Variants in SGCZ observed in about 807,000 individuals in gnomAD.
The protein encoded by SGCZ is zeta-sarcoglycan.
Under a neutral mutation model 41.3 loss-of-function variants are expected in SGCZ, and 40 were observed. The ratio of observed to expected loss-of-function variants is 0.97; its 90% CI spans 0.75 to 1.26. SGCZ has a LOEUF of 1.26. SGCZ is among the 50% of genes most tolerant of loss of function. The pLI is 0.00. For synonymous variants in SGCZ, 206 were observed against 137.5 expected (o/e 1.50, Z -3.49); for missense variants, 552 against 369.8 (o/e 1.49, Z -4.04).
intron 4 of SGCZ, among the ~76,000 whole-genome samples, chr8:14,166,662 A>T (rs1242438818): frequency 6.6e-6 from 1 of 152,188 alleles, no homozygotes; most frequent in African/African-American, 2.4e-5. Flanking sequence ...ATTAGACAAC[A>T]TTAAACACAC....
chr8:14,409,881 TA>T (rs1156793985), intron 2 of SGCZ, among the ~76,000 whole-genome samples: 1 of 152,158 alleles, frequency 6.6e-6, no homozygotes, highest in Non-Finnish European at 1.5e-5. Flanking sequence ...ATACACATAA[TA>T]AATATGACAC....
chr8:14,463,189 A>T (rs1362101218), intron 2 of SGCZ, among the ~76,000 whole-genome samples: 4 of 151,592 alleles, frequency 2.6e-5, no homozygotes, highest in African/African-American at 7.2e-5. Context: ...TTCTCTGGTT[A>T]GAATTTCTAA....
chr8:14,229,154 T>C (rs1049398897), intron 4 of SGCZ, among the ~76,000 whole-genome samples: 5 of 152,160 alleles, frequency 3.3e-5, no homozygotes, highest in African/African-American at 7.2e-5. Context: ...TCTGCACTTC[T>C]ATCTGTACAA....
intron 1 of SGCZ, among the ~76,000 whole-genome samples, chr8:15,050,349 A>G (rs1804467633): frequency 6.6e-6 from 1 of 152,164 alleles, no homozygotes; most frequent in Non-Finnish European, 1.5e-5. Flanking sequence ...CCTCTCTGTG[A>G]AATTGGGAAG....
intron 1 of SGCZ, among the ~76,000 whole-genome samples, chr8:14,602,810 C>A (rs566208257): frequency 6.6e-6 from 1 of 152,226 alleles, no homozygotes; most frequent in East Asian, 1.9e-4. Context: ...GCATATATGG[C>A]ATCTTCTAAT....
intron 1 of SGCZ, among the ~76,000 whole-genome samples, chr8:14,767,721 G>A (rs567602740): frequency 1.3e-5 from 2 of 152,284 alleles, no homozygotes; most frequent in Non-Finnish European, 2.9e-5. Context: ...CCAACAGGTG[G>A]TCCTGCCATG....
intron 1 of SGCZ, among the ~76,000 whole-genome samples, chr8:14,831,429 C>T (rs1802521933): frequency 6.6e-6 from 1 of 152,172 alleles, no homozygotes; most frequent in South Asian, 2.1e-4. Flanking sequence ...TTCCTGCTGT[C>T]TCCTGGATGC....
At chr8:14,994,457 G>A (rs905987002) in intron 1 of SGCZ, among the ~76,000 whole-genome samples, 9 of 152,094 alleles carry the variant, frequency 5.9e-5, no homozygotes, top group African/African-American at 1.9e-4. Flanking sequence ...GGCAGCATGC[G>A]CCTGTAGTCC....
chr8:14,785,634 C>T (rs1800746010), intron 1 of SGCZ, among the ~76,000 whole-genome samples: 1 of 152,108 alleles, frequency 6.6e-6, no homozygotes, highest in African/African-American at 2.4e-5. Flanking sequence ...ATGTTCTGAC[C>T]ATTTTTGCAG....
chr8:15,236,863 G>GGA (rs1278555254), intron 1 of SGCZ, among the ~76,000 whole-genome samples: 2 of 152,012 alleles, frequency 1.3e-5, no homozygotes, highest in African/African-American at 4.8e-5. Context: ...GTGTGCGGCC[G>GGA]GAGCCTCCGC....
chr8:14,915,114 G>A (rs1563360213), intron 1 of SGCZ, among the ~76,000 whole-genome samples: 1 of 152,004 alleles, frequency 6.6e-6, no homozygotes, highest in Non-Finnish European at 1.5e-5. Context: ...CATGAAGACA[G>A]TTCAGAGATT....
chr8:14,729,161 C>T (rs1186976821), intron 1 of SGCZ, among the ~76,000 whole-genome samples: 1 of 152,152 alleles, frequency 6.6e-6, no homozygotes, highest in Non-Finnish European at 1.5e-5. Context: ...AATACCCACA[C>T]CACTAAAGTC....
intron 1 of SGCZ, among the ~76,000 whole-genome samples, chr8:14,621,601 A>G (rs949578361): frequency 1.3e-5 from 2 of 152,150 alleles, no homozygotes; most frequent in Non-Finnish European, 2.9e-5. Flanking sequence ...GAAAATTACA[A>G]TCATGGCAGA....
chr8:14,481,583 G>C (rs1361572288), intron 2 of SGCZ, among the ~76,000 whole-genome samples: 1 of 152,078 alleles, frequency 6.6e-6, no homozygotes. Flanking sequence ...TTATTTTATA[G>C]ATACATATAA....
intron 2 of SGCZ, among the ~76,000 whole-genome samples, chr8:14,420,355 A>G (rs1197329502): frequency 2.0e-5 from 3 of 152,038 alleles, no homozygotes; most frequent in Admixed American, 1.3e-4. Context: ...GCTATTCACA[A>G]TTGCCCCATT....
At chr8:14,501,084 T>C (rs2117051802) in intron 2 of SGCZ, among the ~76,000 whole-genome samples, 1 of 152,154 alleles carries the variant, frequency 6.6e-6, no homozygotes, top group East Asian at 1.9e-4. Context: ...GTTGCATTCT[T>C]TCTAGAAGCT....
At chr8:14,878,911 T>C (rs55900457) in intron 1 of SGCZ, 9,423 of 137,950 alleles carry the variant, frequency 0.068, 1,023 homozygotes, top group African/African-American at 0.23. Context: ...TCTTACAGTT[T>C]TGTTGTTGTT....
At chr8:14,964,297 A>T (rs1202728901) in intron 1 of SGCZ, among the ~76,000 whole-genome samples, 1 of 152,184 alleles carries the variant, frequency 6.6e-6, no homozygotes, top group African/African-American at 2.4e-5. Flanking sequence ...ATCACAAGAC[A>T]TGTAAACAAG....
chr8:14,225,056 A>G (rs1806326478), intron 4 of SGCZ, among the ~76,000 whole-genome samples: 1 of 152,134 alleles, frequency 6.6e-6, no homozygotes, highest in African/African-American at 2.4e-5. Flanking sequence ...ATTCTCTTTT[A>G]AAGCTACTTA....
Sources: allele counts gnomAD v4.1 joint callset (sites outside exome capture counted in the v4.1 genomes callset), GRCh38; gene constraint gnomAD v4.1.1; transcripts MANE v1.5; gene names NCBI Gene and HGNC (gene_info 2026-07-23, HGNC 2026-07-21).